The following GRK5 variants were observed in gnomAD, a reference collection of about 807,000 sequenced individuals.
GRK5 encodes the protein G protein-coupled receptor kinase 5, also known as g protein-coupled receptor kinase GRK5.
GRK5 carries 40 observed loss-of-function variants against 78.4 expected under a neutral mutation model. That is an observed-to-expected ratio of 0.51 (90% CI 0.40 to 0.66). The LOEUF is 0.66. Among genes scored for constraint, GRK5 ranks in the 30% least tolerant of loss-of-function variants. The pLI is 0.00. For synonymous variants in GRK5, 289 were observed against 296.8 expected, an observed-to-expected ratio of 0.97 and a Z score of 0.27; for missense variants, 598 against 759.9, an observed-to-expected ratio of 0.79 and a Z score of 2.50.
chr10:119,440,376 C>T (rs890703656), intron 10 of GRK5, among the ~76,000 whole-genome samples: 14 of 151,950 alleles, frequency 9.2e-5, no homozygotes, highest in Non-Finnish European at 1.9e-4. Flanking sequence ...GAAAATAGTT[C>T]CTATACCTTC....
chr10:119,323,664 C>T (rs1183907297), intron 1 of GRK5, among the ~76,000 whole-genome samples: 6 of 152,136 alleles, frequency 3.9e-5, no homozygotes, highest in African/African-American at 1.4e-4. Flanking sequence ...GTGGGAGAGA[C>T]GTCCAAGGTC....
At chr10:119,214,037 C>T (rs1053620082) in intron 1 of GRK5, among the ~76,000 whole-genome samples, 1 of 152,202 alleles carries the variant, frequency 6.6e-6, no homozygotes, top group African/African-American at 2.4e-5. Flanking sequence ...TGCAGTGGCG[C>T]AGTCTGGGCT....
chr10:119,365,381 G>A (rs982077544), intron 2 of GRK5, among the ~76,000 whole-genome samples: 5 of 152,198 alleles, frequency 3.3e-5, no homozygotes, highest in African/African-American at 7.2e-5. Context: ...TCTCTGCAGA[G>A]ACAGCCCTTG....
Position 119,436,809 on chromosome 10 carries a change from A to G in GRK5, c.897A>G (p.Leu299=), listed in dbSNP as rs375192069. 6.2e-6 allele frequency: 10 copies of G among 1,612,158 alleles called. No homozygotes were observed. The highest frequency in any genetic ancestry group is 5.0e-5 in the Admixed American group (3 of 59,860). The change falls in exon 9 of 16, where the codon TTA becomes TTG. Residue 299 remains leucine, a synonymous_variant. Transcript: ENST00000392870. Reference sequence around the variant, plus strand: ...ATGCGGCAGAGATCCTCTGCGGCTTAGAAGACCTCCACCGTGAGAACACCG... The same window carrying G: ...ATGCGGCAGAGATCCTCTGCGGCTTGGAAGACCTCCACCGTGAGAACACCG... ...LFYAAEILCG[L]EDLHRENTVY... is the part of the protein sequence containing the mutation.
intron 4 of GRK5, among the ~76,000 whole-genome samples, chr10:119,411,691 GGA>G (rs1852339644): frequency 6.6e-6 from 1 of 152,056 alleles, no homozygotes; most frequent in Admixed American, 6.6e-5. Context: ...TCAATTTCCC[GGA>G]AGTGCTTCTG....
chr10:119,427,653 C>T lies in GRK5; in HGVS notation c.533+2568C>T, dbSNP rs375771512. ...ATCACTGCTATCATCAGTATCACCT[C>T]CATCATCAGCATCACTGCTGTTATC... On this transcript the variant is annotated intron_variant, in intron 6 of 15. Transcript: ENST00000392870. Among the ~76,000 whole-genome samples, 18 of 135,550 alleles carry T rather than the reference C, an allele frequency of 1.3e-4. No individual in the cohort carries two copies. In the East Asian group the frequency reaches 3.3e-3, roughly 25 times the overall value. 88.9% of individuals were successfully genotyped at this position (135,550 alleles called of 152,430 possible). A position where few individuals can be genotyped will look rare whatever the true frequency, so the allele number is the denominator to read the frequency against.
intron 9 of GRK5, among the ~76,000 whole-genome samples, chr10:119,438,131 A>T (rs896573040): frequency 6.6e-6 from 1 of 152,208 alleles, no homozygotes; most frequent in Non-Finnish European, 1.5e-5. Context: ...TGCCATTGTA[A>T]TTAGTAGTAG....
At chr10:119,263,410 A>G (rs749269380) in intron 1 of GRK5, among the ~76,000 whole-genome samples, 1 of 152,170 alleles carries the variant, frequency 6.6e-6, no homozygotes, top group Non-Finnish European at 1.5e-5. Context: ...TAAGCATGGA[A>G]TCTCACTTGT....
At chr10:119,289,479 C>T (rs1166896952) in intron 1 of GRK5, among the ~76,000 whole-genome samples, 1 of 152,218 alleles carries the variant, frequency 6.6e-6, no homozygotes, top group Non-Finnish European at 1.5e-5. Context: ...TCTCTTCCCA[C>T]TGTGGGGGTC....
chr10:119,373,971 A>G (rs1051729808), intron 2 of GRK5, among the ~76,000 whole-genome samples: 2 of 152,194 alleles, frequency 1.3e-5, no homozygotes, highest in Non-Finnish European at 2.9e-5. Context: ...TATGGCTAGT[A>G]GTAAATATCT....
Position 119,264,311 on chromosome 10 carries a change from C to A in GRK5, c.52+56342C>A, listed in dbSNP as rs1019775729. Among the ~76,000 whole-genome samples, 2 of 152,164 alleles carry A rather than the reference C, an allele frequency of 1.3e-5. No individual in the cohort carries two copies. The highest frequency in any genetic ancestry group is 1.3e-4 in the Admixed American group (2 of 15,260). On this transcript the variant is annotated intron_variant, in intron 1 of 15. Coordinates refer to ENST00000392870, the MANE Select transcript of GRK5 (RefSeq NM_005308.3). The surrounding 1 kb of genome is among the most constrained non-coding windows in gnomAD (Gnocchi z 4.1). ...CTTAAGCAAAACAAATAAACAAAAACCTCCAGGGCATTTGTTGGCACATGT... is the reference window on the plus strand; with the variant it reads ...CTTAAGCAAAACAAATAAACAAAAAACTCCAGGGCATTTGTTGGCACATGT...
intron 1 of GRK5, among the ~76,000 whole-genome samples, chr10:119,270,399 A>G (rs1339291666): frequency 6.6e-6 from 1 of 152,276 alleles, no homozygotes. Flanking sequence ...ACAATACGTT[A>G]TAGCAACTGT....
intron 9 of GRK5, among the ~76,000 whole-genome samples, chr10:119,439,243 C>T (rs560735531): frequency 7.2e-5 from 11 of 152,374 alleles, no homozygotes; most frequent in African/African-American, 2.2e-4. Flanking sequence ...CAGGCTGTAG[C>T]GTAGCTGGTG....
chr10:119,261,364 C>T (rs1849395745), intron 1 of GRK5, among the ~76,000 whole-genome samples: 1 of 149,896 alleles, frequency 6.7e-6, no homozygotes, highest in South Asian at 2.1e-4. Context: ...AGGCGCTCCT[C>T]ACTTCCTAGA....
chr10:119,282,137 G>A (rs1564875465), intron 1 of GRK5, among the ~76,000 whole-genome samples: 1 of 152,098 alleles, frequency 6.6e-6, no homozygotes, highest in African/African-American at 2.4e-5. Context: ...CCTTGAGTTC[G>A]GACCCAAGCT....
At chr10:119,276,828 T>G (rs1589717390) in intron 1 of GRK5, among the ~76,000 whole-genome samples, 1 of 152,000 alleles carries the variant, frequency 6.6e-6, no homozygotes. Flanking sequence ...CTTTTGGGAG[T>G]CCTGCCACAG....
Position 119,286,629 on chromosome 10 carries a change from A to T in GRK5, c.53-39887A>T, listed in dbSNP as rs535427608. Reference sequence around the variant, plus strand: ...ATTTGAAGGGAAAAGGTTGTTCTGGAGTGGCTGGCAGGAATAATGAAGGGC... The same window carrying T: ...ATTTGAAGGGAAAAGGTTGTTCTGGTGTGGCTGGCAGGAATAATGAAGGGC... On this transcript the variant is annotated intron_variant, in intron 1 of 15. Transcript: ENST00000392870. Among the ~76,000 whole-genome samples, 10 of 152,286 alleles carry T rather than the reference A, an allele frequency of 6.6e-5. No homozygotes were observed. The South Asian group carries it at 1.2e-3, about 19-fold the overall frequency.
intron 4 of GRK5, among the ~76,000 whole-genome samples, chr10:119,420,348 AC>A (rs67973210): frequency 0.37 from 51,056 of 139,736 alleles, 10,281 homozygotes; most frequent in Admixed American, 0.47. Context: ...AAACAAACAA[AC>A]AAACAAAAAA....
chr10:119,384,770 C>T (rs768160552), intron 3 of GRK5, among the ~76,000 whole-genome samples: 20 of 152,046 alleles, frequency 1.3e-4, no homozygotes, highest in Admixed American at 1.3e-3. Context: ...AGAGGTAGGC[C>T]CAGAACCCAG....
Sources: allele counts gnomAD v4.1 joint callset (sites outside exome capture counted in the v4.1 genomes callset), GRCh38; gene constraint gnomAD v4.1.1; non-coding constraint Gnocchi (gnomAD v3.1); transcripts MANE v1.5; gene names NCBI Gene and HGNC (gene_info 2026-07-23, HGNC 2026-07-21).